Variants in CHD1 observed in about 807,000 individuals in gnomAD.
CHD1 encodes the protein chromodomain helicase DNA binding protein 1, also known as ATP-dependent chromatin remodeler CHD1.
A neutral mutation model predicts 224.2 loss-of-function variants in CHD1; 36 were observed. That is an observed-to-expected ratio of 0.16 (90% CI 0.12 to 0.21). The LOEUF (loss-of-function observed/expected upper bound fraction) is 0.21. CHD1 is among the 10% of genes least tolerant of loss of function. The pLI, the probability that CHD1 is intolerant of heterozygous loss-of-function variation, is 1.00. For missense variants in CHD1, 1,378 were observed against 1,994.8 expected (o/e 0.69, Z 5.89); for synonymous variants, 668 against 658.3 (o/e 1.01, Z -0.23).
At chr5:98,898,129 C>A in intron 10 of CHD1, 127 bp downstream of exon 10, 1 of 449,834 alleles carries the variant, frequency 2.2e-6, no homozygotes, top group Non-Finnish European at 3.6e-6. Context: ...CCTGTAAGAC[C>A]TATTAACCAA....
intron 2 of CHD1, among the ~76,000 whole-genome samples, chr5:98,913,811 T>C (rs1752570427): frequency 6.6e-6 from 1 of 152,238 alleles, no homozygotes; most frequent in South Asian, 2.1e-4. Context: ...CAGAGAAGGC[T>C]GTGTAAACAA....
At chr5:98,874,937 C>T in intron 25 of CHD1, 135 bp downstream of exon 25, 1 of 583,830 alleles carries the variant, frequency 1.7e-6, no homozygotes, top group Non-Finnish European at 3.1e-6. Flanking sequence ...TGAAATTTCC[C>T]TTGTACATTA....
intron 2 of CHD1, among the ~76,000 whole-genome samples, chr5:98,922,731 T>G (rs1753183885): frequency 6.6e-6 from 1 of 152,194 alleles, no homozygotes; most frequent in Admixed American, 6.5e-5. Flanking sequence ...CTCATGCCTG[T>G]AATCCCCAGT....
chr5:98,926,690 T>C (rs1753478412), intron 1 of CHD1, among the ~76,000 whole-genome samples, 156 bp from the exon 2 acceptor site: 1 of 152,032 alleles, frequency 6.6e-6, no homozygotes, highest in Admixed American at 6.6e-5. Context: ...TATCTAGACT[T>C]GTAATAACTA....
chr5:98,924,069 A>C (rs1462251837), intron 2 of CHD1, among the ~76,000 whole-genome samples: 1 of 152,180 alleles, frequency 6.6e-6, no homozygotes, highest in Non-Finnish European at 1.5e-5. Flanking sequence ...CAGCTGAGGC[A>C]ATATGGTGAG....
chr5:98,923,082 C>T (rs770344971), intron 2 of CHD1, among the ~76,000 whole-genome samples: 4 of 152,180 alleles, frequency 2.6e-5, no homozygotes, highest in Non-Finnish European at 5.9e-5. Flanking sequence ...CTAAAGTTCA[C>T]CTCCTCAGTC....
intron 32 of CHD1, among the ~76,000 whole-genome samples, chr5:98,862,294 A>C (rs1025750344): frequency 6.6e-6 from 1 of 152,240 alleles, no homozygotes; most frequent in Non-Finnish European, 1.5e-5. Flanking sequence ...GCAGGAATGA[A>C]CAATAAGGAA....
intron 2 of CHD1, among the ~76,000 whole-genome samples, chr5:98,918,043 A>C (rs1320906720): frequency 6.7e-6 from 1 of 149,890 alleles, no homozygotes; most frequent in Non-Finnish European, 1.5e-5. Flanking sequence ...TTCACCTGGA[A>C]CTAAGTCACA....
chr5:98,903,152 C>T (rs908374795), intron 4 of CHD1, among the ~76,000 whole-genome samples, 188 bp from the exon 5 acceptor site: 3 of 151,980 alleles, frequency 2.0e-5, no homozygotes, highest in East Asian at 3.9e-4. Flanking sequence ...ATTAATATAG[C>T]CAGTGAAATT....
chr5:98,867,857 C>T (rs1395755357), intron 31 of CHD1, among the ~76,000 whole-genome samples: 1 of 136,034 alleles, frequency 7.4e-6, no homozygotes, highest in Non-Finnish European at 1.5e-5. Context: ...GGCTGGAGTG[C>T]AATGGTGCAA....
chr5:98,907,588 C>CAAAA (rs34839165), intron 2 of CHD1, among the ~76,000 whole-genome samples: 7 of 87,448 alleles, frequency 8.0e-5, no homozygotes, highest in African/African-American at 2.8e-4. Context: ...AACTCCATCT[C>CAAAA]AAAAAAAAAA....
chr5:98,858,485 CCAAAA>C (rs1748215094), intron 34 of CHD1, 95 bp from the exon 35 acceptor site: 1 of 972,954 alleles, frequency 1.0e-6, no homozygotes, highest in Non-Finnish European at 1.6e-6. Flanking sequence ...TCAACCCTTG[CCAAAA>C]CAAAATCGGT....
At chr5:98,921,453 G>C (rs1378260002) in intron 2 of CHD1, among the ~76,000 whole-genome samples, 2 of 152,134 alleles carry the variant, frequency 1.3e-5, no homozygotes, top group Admixed American at 1.3e-4. Context: ...TGAAGATTCT[G>C]ATTCAGTACG....
chr5:98,858,292 C>T lies in CHD1; in HGVS notation c.4675G>A (p.Asp1559Asn). ...HLTQYHDHHK[D>N]RHQGDSYKKS... ...TTGTAAGAATCTCCCTGATGTCGGT[C>T]TTTATGATGATCATGGTACTGAGTT... Residue 1559 changes from aspartate to asparagine, a missense_variant, in exon 35 of 36, where the codon GAC becomes AAC. Asp to Asn is a conservative substitution (Grantham distance 23). Coordinates refer to ENST00000614616, the MANE Select transcript of CHD1 (RefSeq NM_001270.4). 6.2e-7 allele frequency: 1 copy of T among 1,613,106 alleles called. No individual in the cohort carries two copies. The highest frequency in any genetic ancestry group is 8.5e-7 in the Non-Finnish European group (1 of 1,179,228).
chr5:98,887,425 T>C (rs549781779), intron 17 of CHD1, among the ~76,000 whole-genome samples: 1 of 152,184 alleles, frequency 6.6e-6, no homozygotes, highest in Non-Finnish European at 1.5e-5. Context: ...CTGCACTAAA[T>C]ATACAGCATT....
At chr5:98,869,618 GCGCGCACACACA>G (rs1442341471) in intron 30 of CHD1, 124 bp downstream of exon 30, 1 of 795,252 alleles carries the variant, frequency 1.3e-6, no homozygotes, top group African/African-American at 3.2e-5. Flanking sequence ...GCGCACGTGC[GCGCGCACACACA>G]CACACACACA....
intron 3 of CHD1, among the ~76,000 whole-genome samples, chr5:98,904,213 G>T (rs1751903495): frequency 6.6e-6 from 1 of 152,096 alleles, no homozygotes; most frequent in South Asian, 2.1e-4. Flanking sequence ...TCAGTGTGAG[G>T]TGAAGAGGCT....
intron 30 of CHD1, 101 bp from the exon 31 acceptor site, chr5:98,868,736 A>T: frequency 8.8e-7 from 1 of 1,141,158 alleles, no homozygotes; most frequent in Non-Finnish European, 1.2e-6. Context: ...ATTTTATTCT[A>T]CAAGTGCTCA....
In CHD1 at chr5:98,854,325, C is replaced by A. The variant is rs1747876248; in HGVS notation, c.*2055G>T. On this transcript the variant is annotated 3_prime_UTR_variant, in exon 36 of 36. Coordinates refer to ENST00000614616, the MANE Select transcript of CHD1 (RefSeq NM_001270.4). ...AATTAGAGCCTTATCTCAGAAAATG[C>A]AACATTGTTCTGTGAAATTTGCACA... 6.6e-6 allele frequency: 1 copy of A among 150,570 alleles called. No homozygotes were observed. Among genetic ancestry groups the A allele is most frequent in the Non-Finnish European group, 1.5e-5 (1 of 67,734 alleles). 9.3% of individuals were successfully genotyped at this position (150,570 alleles called of 1,614,324 possible). A position where few individuals can be genotyped will look rare whatever the true frequency, so the allele number is the denominator to read the frequency against.
Sources: gnomAD v4.1 joint callset for allele counts (sites outside exome capture counted in the v4.1 genomes callset) on GRCh38, gnomAD v4.1.1 for gene constraint, MANE v1.5 for transcripts, NCBI Gene and HGNC (gene_info 2026-07-23, HGNC 2026-07-21) for gene names.